PPP2R2D: variants seen among roughly 807,000 people sequenced by gnomAD.
PPP2R2D encodes the protein protein phosphatase 2 regulatory subunit Bdelta.
In PPP2R2D, 9 loss-of-function variants were observed where a neutral mutation model predicts 31.1. The observed-to-expected ratio is 0.29, with a 90% CI of 0.17 to 0.51. PPP2R2D has a LOEUF of 0.51. Among genes scored for constraint, PPP2R2D ranks in the 20% least tolerant of loss-of-function variants. PPP2R2D has a pLI of 0.98. For synonymous variants in PPP2R2D, 179 were observed against 172.6 expected, an observed-to-expected ratio of 1.04 and a Z score of -0.29; for missense variants, 391 against 465.6, an observed-to-expected ratio of 0.84 and a Z score of 1.48.
intron 8 of PPP2R2D, 24 bp from the exon 9 acceptor site, chr10:131,955,660 G>T: frequency 7.1e-7 from 1 of 1,403,378 alleles, no homozygotes; most frequent in Non-Finnish European, 9.3e-7. Flanking sequence ...GAGGAGTGCT[G>T]CTGTCTGCTC....
intron 2 of PPP2R2D, among the ~76,000 whole-genome samples, chr10:131,918,401 A>AGTGT (rs2035873005): frequency 7.4e-6 from 1 of 135,806 alleles, no homozygotes; most frequent in Non-Finnish European, 1.5e-5. Flanking sequence ...GGAATGACAC[A>AGTGT]ATGTAGGGAT....
At chr10:131,924,535 C>T (rs975102777) in intron 2 of PPP2R2D, among the ~76,000 whole-genome samples, 1 of 151,968 alleles carries the variant, frequency 6.6e-6, no homozygotes, top group African/African-American at 2.4e-5. Context: ...TATGTCTGTC[C>T]TCATGCCAAT....
At chr10:131,961,511 C>G (rs1554901451), downstream of PPP2R2D, among the ~76,000 whole-genome samples, 22 of 152,196 alleles carry the variant, frequency 1.4e-4, no homozygotes. Flanking sequence ...CACCACAGCA[C>G]CCGGCTGGGC....
chr10:131,938,239 T>G (rs1044783777), intron 3 of PPP2R2D, among the ~76,000 whole-genome samples: 1 of 152,258 alleles, frequency 6.6e-6, no homozygotes, highest in African/African-American at 2.4e-5. Flanking sequence ...AAGGAACATC[T>G]GTTTAGACTT....
At chr10:131,909,880 T>A (rs1351251986) in intron 2 of PPP2R2D, among the ~76,000 whole-genome samples, 4 of 152,250 alleles carry the variant, frequency 2.6e-5, no homozygotes, top group Non-Finnish European at 5.9e-5. Flanking sequence ...ATAACCTTTT[T>A]AATGAGAAAC....
chr10:131,948,299 T>C (rs1193891262), intron 8 of PPP2R2D, among the ~76,000 whole-genome samples: 1 of 152,040 alleles, frequency 6.6e-6, no homozygotes, highest in Non-Finnish European at 1.5e-5. Context: ...TTATTTTGTA[T>C]ACATTCTTTA....
At chr10:131,937,148 G>T (rs1229479846) in intron 3 of PPP2R2D, among the ~76,000 whole-genome samples, 1 of 152,248 alleles carries the variant, frequency 6.6e-6, no homozygotes, top group African/African-American at 2.4e-5. Context: ...ATTGTGGAAG[G>T]TGCAGGGCCT....
At chr10:131,964,665 TG>T (rs368207870), downstream of PPP2R2D, among the ~76,000 whole-genome samples, 2,172 of 69,814 alleles carry the variant, frequency 0.031, 82 homozygotes, top group African/African-American at 0.11. Context: ...GAGTTTACTA[TG>T]TTTTTTTTTT....
chr10:131,902,323 C>T (rs2035513412), intron 2 of PPP2R2D, among the ~76,000 whole-genome samples: 2 of 152,140 alleles, frequency 1.3e-5, no homozygotes, highest in Non-Finnish European at 1.5e-5. Flanking sequence ...CTAAAAGCCC[C>T]TTGTCAGACG....
intron 2 of PPP2R2D, among the ~76,000 whole-genome samples, chr10:131,908,022 T>TAAAG (rs1181596148): frequency 8.5e-5 from 13 of 152,234 alleles, no homozygotes; most frequent in Non-Finnish European, 1.9e-4. Context: ...AGAAGCTTTT[T>TAAAG]GTTAAGATCA....
chr10:131,902,654 C>T (rs993779802), intron 2 of PPP2R2D, among the ~76,000 whole-genome samples: 2 of 152,186 alleles, frequency 1.3e-5, no homozygotes, highest in African/African-American at 2.4e-5. Context: ...GACAGTTCAG[C>T]CTTACTCAAG....
At chr10:131,908,710 T>C (rs1268342541) in intron 2 of PPP2R2D, among the ~76,000 whole-genome samples, 2 of 152,248 alleles carry the variant, frequency 1.3e-5, no homozygotes, top group Non-Finnish European at 2.9e-5. Context: ...GCTGTGAAGA[T>C]TCCAGAAAAT....
At chr10:131,940,320 A>G in intron 4 of PPP2R2D, 124 bp downstream of exon 4, 5 of 577,716 alleles carry the variant, frequency 8.7e-6, no homozygotes, top group Non-Finnish European at 1.6e-5. Context: ...AGGGTAAGTT[A>G]TCTAGGGTAG....
chr10:131,913,390 C>T (rs1315690861), intron 2 of PPP2R2D, among the ~76,000 whole-genome samples: 6 of 152,046 alleles, frequency 3.9e-5, no homozygotes, highest in African/African-American at 1.4e-4. Flanking sequence ...AATTGTTGAC[C>T]TTGAGTTTTA....
chr10:131,912,486 C>T (rs1049873670), intron 2 of PPP2R2D: 2,958 of 152,290 alleles, frequency 0.019, 41 homozygotes, highest in Non-Finnish European at 0.028. Flanking sequence ...GGCATGTGGC[C>T]GCCACTTGCC....
At chr10:131,908,747 C>T (rs898486940) in intron 2 of PPP2R2D, among the ~76,000 whole-genome samples, 1 of 152,202 alleles carries the variant, frequency 6.6e-6, no homozygotes, top group Admixed American at 6.5e-5. Context: ...CAAACAAACA[C>T]GTTAACTGGT....
rs909824015 is a variant in PPP2R2D, at chr10:131,945,645, A to C, written c.820+186A>C. 1.5e-6 allele frequency: 1 copy of C among 662,378 alleles called. No individual in the cohort carries two copies. Among genetic ancestry groups the C allele is most frequent in the Non-Finnish European group, 2.5e-6 (1 of 400,882 alleles). The allele number at this position is 662,378 out of a possible 1,614,324, so 41.0% of individuals were successfully genotyped here. A position where few individuals can be genotyped will look rare whatever the true frequency, so the allele number is the denominator to read the frequency against. ...CAGCTAGTTTTTGTATTTTTAGTAC[A>C]GACAGGGTTTCACCATGTTGACCAG... is the stretch of plus-strand genomic sequence containing the variant. On this transcript the variant is annotated intron_variant, in intron 7 of 8. Transcript: ENST00000455566. The surrounding 1 kb of genome is among the most constrained non-coding windows in gnomAD (Gnocchi z 4.8).
In PPP2R2D at chr10:131,947,748, T is replaced by C. The variant is rs879999561; in HGVS notation, c.1039T>C (p.Cys347Arg). 6.2e-7 allele frequency: 1 copy of C among 1,614,200 alleles called. No individual in the cohort carries two copies. Among genetic ancestry groups the C allele is most frequent in the Non-Finnish European group, 8.5e-7 (1 of 1,180,028 alleles). The change falls in exon 8 of 9, where the codon TGC (cysteine) becomes CGC (arginine). Residue 347 changes from cysteine to arginine, a missense_variant. Physicochemically the swap from Cys to Arg is radical, Grantham distance 180 (BLOSUM62 -3). Around this residue, in one of 3 missense-constraint regions of PPP2R2D, gnomAD observed 163 missense variants for 179.5 expected, o/e 0.91. Coordinates refer to ENST00000455566, the MANE Select transcript of PPP2R2D (RefSeq NM_018461.5). The surrounding 1 kb of genome is among the most constrained non-coding windows in gnomAD (Gnocchi z 4.3). Reference protein sequence around the residue: ...SKLCSLYENDCIFDKFECCWN... With the variant: ...SKLCSLYENDRIFDKFECCWN... The stretch of plus-strand genomic sequence containing the variant: ...GCTCTGCTCTCTCTATGAGAACGAC[T>C]GCATCTTTGACAAGTTTGAGTGTTG...
the PPP2R2D span, chr10:131,968,354 A>C: frequency 1.7e-6 from 1 of 578,420 alleles, no homozygotes; most frequent in Non-Finnish European, 3.0e-6. Flanking sequence ...TTATAGATCA[A>C]CATGATTTTA....
Sources: allele counts gnomAD v4.1 joint callset (sites outside exome capture counted in the v4.1 genomes callset), GRCh38; gene constraint gnomAD v4.1.1; regional missense constraint gnomAD v4.1.1; non-coding constraint Gnocchi (gnomAD v3.1); transcripts MANE v1.5; gene names NCBI Gene and HGNC (gene_info 2026-07-23, HGNC 2026-07-21).